The following SMAP2 variants were observed in gnomAD, a reference collection of about 807,000 sequenced individuals.
The protein encoded by SMAP2 is stromal membrane-associated protein 2.
A neutral mutation model predicts 56.4 loss-of-function variants in SMAP2; 25 were observed. That is an observed-to-expected ratio of 0.44 (90% CI 0.32 to 0.62). The LOEUF is 0.62. SMAP2 is among the 20% of genes least tolerant of loss of function. The probability of loss-of-function intolerance (pLI) is 0.04; values close to 1 mark genes in which losing one functional copy is unlikely to be tolerated. For synonymous variants in SMAP2, 157 were observed against 181.7 expected (o/e 0.86, Z 1.09); for missense variants, 388 against 545.6 (o/e 0.71, Z 2.88).
At chr1:40,360,690 A>G (rs1644456202) in intron 1 of SMAP2, among the ~76,000 whole-genome samples, 1 of 152,154 alleles carries the variant, frequency 6.6e-6, no homozygotes, top group Non-Finnish European at 1.5e-5. Flanking sequence ...TGTGCTTGGG[A>G]GAAGGAGAGC....
At position 40,387,781 on chromosome 1, in the gene SMAP2, T is replaced by C. The variant is rs1444826611; in HGVS notation, c.103+13558T>C. On this transcript the variant is annotated intron_variant, in intron 1 of 9. Transcript: ENST00000372718. ...CTTGAGGAGCCCTTCAGCCCACTGCTGCACTGTGGGAGCCCCTTCCTGGGC... is the reference window on the plus strand; with the variant it reads ...CTTGAGGAGCCCTTCAGCCCACTGCCGCACTGTGGGAGCCCCTTCCTGGGC... 3.3e-5 allele frequency among the ~76,000 whole-genome samples: 5 copies of C among 152,196 alleles called. No homozygotes were observed. The East Asian group carries it at 9.8e-4, about 30-fold the overall frequency.
chr1:40,356,243 T>G (rs894465159), intron 1 of SMAP2, among the ~76,000 whole-genome samples: 2 of 152,186 alleles, frequency 1.3e-5, no homozygotes, highest in Non-Finnish European at 2.9e-5. Flanking sequence ...GACAGACACT[T>G]AGGTTGCTTC....
chr1:40,395,160 A>G (rs1644757848), intron 1 of SMAP2, among the ~76,000 whole-genome samples: 1 of 152,234 alleles, frequency 6.6e-6, no homozygotes, highest in African/African-American at 2.4e-5. Context: ...TGATGACATT[A>G]TCAGGACATA....
At chr1:40,404,808 T>C (rs576603785) in intron 1 of SMAP2, among the ~76,000 whole-genome samples, 2 of 152,260 alleles carry the variant, frequency 1.3e-5, no homozygotes, top group African/African-American at 4.8e-5. Context: ...AGAAACCCCA[T>C]TTACATCAGT....
chr1:40,400,169 A>G (rs1278352678), intron 1 of SMAP2, among the ~76,000 whole-genome samples: 1 of 152,066 alleles, frequency 6.6e-6, no homozygotes. Flanking sequence ...AGCAGCATGT[A>G]CAAAGTCCAG....
intron 3 of SMAP2, among the ~76,000 whole-genome samples, chr1:40,409,422 A>G (rs895343176): frequency 3.9e-5 from 6 of 152,242 alleles, no homozygotes; most frequent in South Asian, 2.1e-4. Context: ...TTTGAGGCCT[A>G]TTGACCTAAG....
intron 1 of SMAP2, among the ~76,000 whole-genome samples, chr1:40,361,108 G>C (rs1644458096): frequency 6.6e-6 from 1 of 152,218 alleles, no homozygotes; most frequent in Non-Finnish European, 1.5e-5. Context: ...CACAAGAGAG[G>C]AGAGAGAAAA....
chr1:40,353,695 C>A (rs1038490704), intron 1 of SMAP2, among the ~76,000 whole-genome samples: 1 of 152,120 alleles, frequency 6.6e-6, no homozygotes, highest in Non-Finnish European at 1.5e-5. Context: ...CTGCTGAGCC[C>A]TATCCTCAGA....
At position 40,402,325 on chromosome 1, in the gene SMAP2, T is replaced by C. The variant is rs572795923; in HGVS notation, c.104-4411T>C. Among the ~76,000 whole-genome samples, 9 of 152,388 alleles carry C rather than the reference T, an allele frequency of 5.9e-5. No homozygotes were observed. In the South Asian group the frequency reaches 1.2e-3, roughly 21 times the overall value. On this transcript the variant is annotated intron_variant, in intron 1 of 9. Coordinates refer to ENST00000372718, the MANE Select transcript of SMAP2 (RefSeq NM_022733.3). ...CGTCACCTTAGACATTTATCTTTTC[T>C]TTATGCTGGGAATATTTGAATTATT...
intron 4 of SMAP2, among the ~76,000 whole-genome samples, chr1:40,412,498 A>G (rs1644946066): frequency 6.6e-6 from 1 of 152,124 alleles, no homozygotes; most frequent in Admixed American, 6.5e-5. Context: ...TGTTTATTTG[A>G]TTTTAAAACT....
intron 1 of SMAP2, among the ~76,000 whole-genome samples, chr1:40,379,387 A>G (rs931412170): frequency 2.0e-5 from 3 of 152,092 alleles, no homozygotes. Context: ...TATTACCCAC[A>G]GCTCTTGACA....
chr1:40,351,261 C>T (rs1407579210), intron 1 of SMAP2, among the ~76,000 whole-genome samples: 2 of 152,136 alleles, frequency 1.3e-5, no homozygotes, highest in Admixed American at 6.6e-5. Flanking sequence ...ACTCTGTGGC[C>T]TGACAAGGAG....
chr1:40,354,706 A>G (rs1210586588), intron 1 of SMAP2, among the ~76,000 whole-genome samples: 1 of 149,468 alleles, frequency 6.7e-6, no homozygotes, highest in Non-Finnish European at 1.5e-5. Context: ...TAGCTTTAGT[A>G]GTATAACTTG....
chr1:40,349,583 A>G (rs1192092502), intron 1 of SMAP2, among the ~76,000 whole-genome samples: 1 of 151,960 alleles, frequency 6.6e-6, no homozygotes, highest in Non-Finnish European at 1.5e-5. Context: ...CAGTGGTGCC[A>G]TCTCTGCTCA....
At chr1:40,380,622 C>G (rs1005019118) in intron 1 of SMAP2, among the ~76,000 whole-genome samples, 1 of 151,712 alleles carries the variant, frequency 6.6e-6, no homozygotes, top group Admixed American at 6.6e-5. Flanking sequence ...CTCCACTTCC[C>G]GGGTTCAAGC....
At chr1:40,364,651 G>A (rs1351486713) in intron 2 of SMAP2, 1 of 152,122 alleles carries the variant, frequency 6.6e-6, no homozygotes, top group Non-Finnish European at 1.5e-5. Flanking sequence ...GGCTGAGGTG[G>A]GAGGACTGCT....
chr1:40,388,454 C>T (rs1203486893), intron 1 of SMAP2, among the ~76,000 whole-genome samples: 2 of 152,076 alleles, frequency 1.3e-5, no homozygotes, highest in Non-Finnish European at 2.9e-5. Context: ...GTGAATGCAC[C>T]AATCGACACT....
At chr1:40,345,644 A>G (rs1304088136) in intron 1 of SMAP2, among the ~76,000 whole-genome samples, 1 of 151,414 alleles carries the variant, frequency 6.6e-6, no homozygotes, top group African/African-American at 2.4e-5. Flanking sequence ...TCATTTTTAA[A>G]CCTTTTTTCA....
chr1:40,412,732 T>G (rs1473477993), intron 4 of SMAP2, among the ~76,000 whole-genome samples: 2 of 152,172 alleles, frequency 1.3e-5, no homozygotes, highest in Non-Finnish European at 2.9e-5. Context: ...GTAAAATGTT[T>G]TAGCGTCTGT....
Sources: gnomAD v4.1 joint callset for allele counts (sites outside exome capture counted in the v4.1 genomes callset) on GRCh38, gnomAD v4.1.1 for gene constraint, MANE v1.5 for transcripts, NCBI Gene and HGNC (gene_info 2026-07-23, HGNC 2026-07-21) for gene names.